Variants in FHL1 observed in about 807,000 individuals in gnomAD.
The protein encoded by FHL1 is four and a half LIM domains protein 1.
FHL1 carries 1 observed loss-of-function variant against 20.3 expected under a neutral mutation model. The observed-to-expected ratio is 0.05, with a 90% CI of 0.02 to 0.23. The LOEUF is 0.23. FHL1 is among the 10% of genes least tolerant of loss of function. The pLI is 1.00. For missense variants in FHL1, 177 were observed against 234.0 expected, an observed-to-expected ratio of 0.76 and a Z score of 1.59; for synonymous variants, 82 against 88.9, an observed-to-expected ratio of 0.92 and a Z score of 0.44.
At chrX:136,161,398 A>T (rs1349796577) in intron 1 of FHL1, among the ~76,000 whole-genome samples, 1 of 112,200 alleles carries the variant, frequency 8.9e-6, no homozygotes, top group Non-Finnish European at 1.9e-5. Context: ...ATACTTTATA[A>T]TTCTTGGACT....
intron 1 of FHL1, among the ~76,000 whole-genome samples, chrX:136,162,827 CTTTG>C (rs1373204595): frequency 2.7e-5 from 3 of 112,127 alleles, no homozygotes; most frequent in Non-Finnish European, 5.6e-5. Context: ...GGGGCGCTGA[CTTTG>C]TTTGTGCTGC....
rs1447280221 is a variant in FHL1 at position 136,210,114 on chromosome X, A to AGT, written c.*91_*92dup. 1.8e-6 allele frequency: 2 copies of AGT among 1,119,419 alleles called. No homozygotes were observed. The highest frequency in any genetic ancestry group is 2.5e-6 in the Non-Finnish European group (2 of 812,022). 92.3% of individuals were successfully genotyped at this position (1,119,419 alleles called of 1,213,427 possible). ...TGCCCTATACCATCAATAGGGGAAG[A>AGT]GTGGTCCTTCCCTTCTTTAAAGTTC... On this transcript the variant is annotated 3_prime_UTR_variant, in exon 6 of 6. Coordinates refer to ENST00000370683, the MANE Select transcript of FHL1 (RefSeq NM_001159699.2).
At chrX:136,154,377 C>T (rs1412708953) in intron 1 of FHL1, among the ~76,000 whole-genome samples, 1 of 112,117 alleles carries the variant, frequency 8.9e-6, no homozygotes, top group Non-Finnish European at 1.9e-5. Context: ...GATGGGGAAC[C>T]TCTTGGATGG....
chrX:136,206,708 G>GATTTC, intron 2 of FHL1, 120 bp downstream of exon 2: 1 of 972,260 alleles, frequency 1.0e-6, no homozygotes, highest in Non-Finnish European at 1.5e-6. Flanking sequence ...CCACCTTGAG[G>GATTTC]CCTCAAGGAA....
At chrX:136,172,481 G>C (rs1405612733) in intron 2 of FHL1, among the ~76,000 whole-genome samples, 25 of 112,046 alleles carry the variant, frequency 2.2e-4, no homozygotes, top group Non-Finnish European at 1.7e-4. Flanking sequence ...TGGATGCAGG[G>C]GTACAGTTCC....
intron 2 of FHL1, among the ~76,000 whole-genome samples, chrX:136,190,170 A>G (rs777389784): frequency 5.4e-5 from 6 of 111,430 alleles, no homozygotes; most frequent in Non-Finnish European, 1.1e-4. Context: ...TTCCACGTAC[A>G]TGTCCTTTGA....
chrX:136,186,384 G>T (rs1228514436), intron 2 of FHL1, among the ~76,000 whole-genome samples: 2 of 111,055 alleles, frequency 1.8e-5, no homozygotes, highest in Non-Finnish European at 3.8e-5. Context: ...AGTAAACTTT[G>T]GTGGGTGCTC....
intron 1 of FHL1, among the ~76,000 whole-genome samples, chrX:136,161,071 A>G (rs1305246445): frequency 8.9e-6 from 1 of 111,871 alleles, no homozygotes; most frequent in Non-Finnish European, 1.9e-5. Context: ...CAATCATAAT[A>G]TGTTTGTTTC....
intron 2 of FHL1, among the ~76,000 whole-genome samples, chrX:136,186,599 C>A (rs1428084399): frequency 1.8e-5 from 2 of 110,949 alleles, no homozygotes; most frequent in Non-Finnish European, 3.8e-5. Context: ...CAGTGGCTCA[C>A]ATCTGTACTA....
intron 1 of FHL1, among the ~76,000 whole-genome samples, chrX:136,155,540 T>G (rs1164443658): frequency 8.9e-6 from 1 of 112,105 alleles, no homozygotes; most frequent in African/African-American, 3.2e-5. Flanking sequence ...GGCTTACTAT[T>G]TGAACAAGTG....
At chrX:136,159,726 A>G (rs2072515600) in intron 1 of FHL1, among the ~76,000 whole-genome samples, 2 of 111,944 alleles carry the variant, frequency 1.8e-5, no homozygotes, top group South Asian at 7.5e-4. Flanking sequence ...TAGTCAGTAG[A>G]TAGGTCAGTG....
At chrX:136,190,492 G>A (rs999569881) in intron 2 of FHL1, among the ~76,000 whole-genome samples, 5 of 111,596 alleles carry the variant, frequency 4.5e-5, no homozygotes, top group Non-Finnish European at 9.4e-5. Context: ...AGAACGATTC[G>A]CGAATCAGGC....
intron 1 of FHL1, among the ~76,000 whole-genome samples, chrX:136,160,806 C>T (rs1347157549): frequency 2.7e-5 from 3 of 111,021 alleles, no homozygotes; most frequent in African/African-American, 9.8e-5. Context: ...TATGTGGTAC[C>T]ACCTGTTAAA....
intron 1 of FHL1, among the ~76,000 whole-genome samples, chrX:136,198,786 AGCCTTTG>A (rs1216121195): frequency 1.8e-5 from 2 of 111,969 alleles, no homozygotes; most frequent in Non-Finnish European, 3.8e-5. Context: ...CAATTTCTTT[AGCCTTTG>A]GCCTTTCAAG....
chrX:136,193,381 T>C (rs2073479585), upstream of FHL1, among the ~76,000 whole-genome samples: 1 of 112,002 alleles, frequency 8.9e-6, no homozygotes, highest in African/African-American at 3.2e-5. Context: ...ATCCTCCCAG[T>C]GGTGTTTCTG....
chrX:136,199,919 A>G (rs1041235401), intron 1 of FHL1, among the ~76,000 whole-genome samples: 3 of 112,429 alleles, frequency 2.7e-5, no homozygotes, highest in African/African-American at 6.5e-5. Context: ...AGATTTATTA[A>G]ATACAAATCG....
chrX:136,189,595 T>C (rs1210794078), intron 2 of FHL1, among the ~76,000 whole-genome samples: 2 of 112,061 alleles, frequency 1.8e-5, no homozygotes, highest in African/African-American at 6.5e-5. Context: ...GTGCTTACTG[T>C]GTGCCAGCCA....
At chrX:136,171,300 T>C (rs899109265) in intron 2 of FHL1, among the ~76,000 whole-genome samples, 1 of 111,374 alleles carries the variant, frequency 9.0e-6, no homozygotes, top group African/African-American at 3.3e-5. Flanking sequence ...AATCTTTAGA[T>C]CTAACCCCAA....
chrX:136,171,891 T>TA (rs1427695464), intron 2 of FHL1, among the ~76,000 whole-genome samples: 4 of 110,534 alleles, frequency 3.6e-5, no homozygotes, highest in African/African-American at 1.3e-4. Context: ...TTGATTTATT[T>TA]TTTTTTATGG....
Sources: allele counts gnomAD v4.1 joint callset (sites outside exome capture counted in the v4.1 genomes callset), GRCh38; gene constraint gnomAD v4.1.1; transcripts MANE v1.5; gene names NCBI Gene and HGNC (gene_info 2026-07-23, HGNC 2026-07-21).